The following FAM181A variants were observed in gnomAD, a reference collection of about 807,000 sequenced individuals.
The protein encoded by FAM181A is protein FAM181A.
Under a neutral mutation model 16.3 loss-of-function variants are expected in FAM181A, and 7 were observed. The observed-to-expected ratio is 0.43, with a 90% CI of 0.24 to 0.81. FAM181A has a LOEUF of 0.81. Ranked by LOEUF, FAM181A falls within the 30% of genes least tolerant of loss-of-function variation. The pLI is 0.24. For missense variants in FAM181A, 349 were observed against 377.5 expected, an observed-to-expected ratio of 0.92 and a Z score of 0.63; for synonymous variants, 183 against 164.9, an observed-to-expected ratio of 1.11 and a Z score of -0.84.
At chr14:93,924,955 C>T (rs1887845675), upstream of FAM181A, 1 of 375,308 alleles carries the variant, frequency 2.7e-6, no homozygotes, top group African/African-American at 2.1e-5. Context: ...TTGGCACATG[C>T]TGGGTGTCCA....
At position 93,929,047 on chromosome 14, in the gene FAM181A, C is replaced by A; in HGVS notation, c.762C>A (p.His254Gln). Residue 254 changes from histidine to glutamine, a missense_variant, in exon 2 of 2, where the codon CAC becomes CAA. By Grantham distance (24) the His-to-Gln change is conservative. Coordinates refer to ENST00000556222, the MANE Select transcript of FAM181A (RefSeq NM_001207073.2). ...CAGCCTTTCCCGGGGAGCTGGCGCACCTCTGCAAGGATGTGGACGGCCTGG... is the reference window on the plus strand; with the variant it reads ...CAGCCTTTCCCGGGGAGCTGGCGCAACTCTGCAAGGATGTGGACGGCCTGG... ...KSPAFPGELA[H>Q]LCKDVDGLGQ... 1 of 1,601,180 alleles carries A rather than the reference C, an allele frequency of 6.2e-7. No individual in the cohort carries two copies. Among genetic ancestry groups the A allele is most frequent in the Non-Finnish European group, 8.5e-7 (1 of 1,172,880 alleles).
chr14:93,922,596 A>T (rs550940670), upstream of FAM181A, among the ~76,000 whole-genome samples: 52 of 152,318 alleles, frequency 3.4e-4, no homozygotes, highest in African/African-American at 1.2e-3. Flanking sequence ...AGGCTGAGGC[A>T]GGAGAATCAC....
chr14:93,924,260 G>C (rs942361647), upstream of FAM181A, among the ~76,000 whole-genome samples: 1 of 152,204 alleles, frequency 6.6e-6, no homozygotes. Context: ...ACAATGCTAG[G>C]AGTTGGCGGA....
intron 1 of FAM181A, among the ~76,000 whole-genome samples, chr14:93,919,875 A>C (rs560220238): frequency 1.3e-5 from 2 of 152,312 alleles, no homozygotes; most frequent in East Asian, 3.9e-4. Flanking sequence ...TTAGAAAACA[A>C]GAAAGATCTC....
chr14:93,925,355 G>C (rs552387444), upstream of FAM181A: 2 of 1,612,730 alleles, frequency 1.2e-6, no homozygotes, highest in East Asian at 4.5e-5. Flanking sequence ...AGAAAAGGGC[G>C]AGCACAGCAA....
In FAM181A at chr14:93,919,817, G is replaced by A. The variant is rs143996801; in HGVS notation, c.-225+823G>A. Among the ~76,000 whole-genome samples, 218 of 152,096 alleles carry A rather than the reference G, an allele frequency of 1.4e-3. 1 individual carries two copies. The highest frequency in any genetic ancestry group is 4.9e-3 in the African/African-American group (204 of 41,492). ...CAACATATCAAAATTTGTGAGATGC[G>A]GCCAAAGCAGTGCTGAGAGGAAATT... On this transcript the variant is annotated intron_variant, in intron 1 of 2. Transcript: ENST00000267594.
chr14:93,925,741 C>A (rs1259896093), upstream of FAM181A, among the ~76,000 whole-genome samples: 1 of 151,910 alleles, frequency 6.6e-6, no homozygotes, highest in Admixed American at 6.6e-5. Context: ...TTCCCCGACC[C>A]CGCAGCAGGG....
chr14:93,925,354 C>T (rs778270343), upstream of FAM181A: 89 of 1,612,652 alleles, frequency 5.5e-5, no homozygotes, highest in East Asian at 1.7e-3. Context: ...GAGAAAAGGG[C>T]GAGCACAGCA....
upstream of FAM181A, chr14:93,927,251 T>G (rs1232651668): frequency 1.0e-6 from 1 of 998,876 alleles, no homozygotes; most frequent in African/African-American, 1.7e-5. Flanking sequence ...GCCGCCTGAT[T>G]GGGATGCTTT....
intron 1 of FAM181A, among the ~76,000 whole-genome samples, chr14:93,919,224 T>C (rs925476047): frequency 1.3e-5 from 2 of 152,174 alleles, no homozygotes; most frequent in Non-Finnish European, 2.9e-5. Context: ...TTTGTTGAGT[T>C]TTCATGGCTG....
upstream of FAM181A, chr14:93,925,009 C>T: frequency 2.0e-6 from 1 of 499,276 alleles, no homozygotes; most frequent in Non-Finnish European, 3.5e-6. Context: ...TTTCCTTTCT[C>T]TCTTCCCTCT....
upstream of FAM181A, chr14:93,927,128 G>T: frequency 3.4e-6 from 1 of 292,102 alleles, no homozygotes; most frequent in Non-Finnish European, 5.2e-6. Flanking sequence ...TGAGGAGAGT[G>T]GGGCTGAAGG....
upstream of FAM181A, chr14:93,925,439 C>A: frequency 7.0e-7 from 1 of 1,428,128 alleles, no homozygotes; most frequent in Non-Finnish European, 9.6e-7. Context: ...CAGCCTCACA[C>A]AGTAGGCAGC....
rs199883185 is a variant in FAM181A at position 93,929,065 on chromosome 14, C to T, written c.780C>T (p.Asp260=). 2.7e-5 allele frequency: 43 copies of T among 1,580,382 alleles called. No homozygotes were observed. The East Asian group carries it at 3.1e-4, about 12-fold the overall frequency. Residue 260 remains aspartate (D), a synonymous_variant, in exon 2 of 2, where the codon GAC becomes GAT. Coordinates refer to ENST00000556222, the MANE Select transcript of FAM181A (RefSeq NM_001207073.2). ...GELAHLCKDV[D]GLGQKVCRPV... Reference sequence around the variant, plus strand: ...TGGCGCACCTCTGCAAGGATGTGGACGGCCTGGGGCAGAAGGTGTGCAGGC... The same window carrying T: ...TGGCGCACCTCTGCAAGGATGTGGATGGCCTGGGGCAGAAGGTGTGCAGGC...
At chr14:93,926,579 C>A (rs1887914155), upstream of FAM181A, among the ~76,000 whole-genome samples, 1 of 152,202 alleles carries the variant, frequency 6.6e-6, no homozygotes, top group South Asian at 2.1e-4. This position sits in a 1 kb window ranked among gnomAD's most constrained non-coding sequence, Gnocchi z 5.2. Context: ...AACCTTTTGT[C>A]CGGCTGCGCT....
chr14:93,926,691 C>G (rs549629672), upstream of FAM181A, among the ~76,000 whole-genome samples: 1 of 152,258 alleles, frequency 6.6e-6, no homozygotes, highest in South Asian at 2.1e-4. This position sits in a 1 kb window ranked among gnomAD's most constrained non-coding sequence, Gnocchi z 5.2. Context: ...CCCAGCACCT[C>G]GTTAGAGAGT....
At chr14:93,927,215 G>T (rs1258791756), upstream of FAM181A, 2 of 910,300 alleles carry the variant, frequency 2.2e-6, no homozygotes. Context: ...AATTTGTGAC[G>T]GCAAAGAATG....
Position 93,928,336 on chromosome 14 carries a change from G to A in FAM181A, c.51G>A (p.Ala17=), listed in dbSNP as rs769831279. The A allele has an allele frequency of 2.2e-5, 35 of 1,613,836 alleles. No individual in the cohort carries two copies. The highest frequency in any genetic ancestry group is 1.5e-4 in the Admixed American group (9 of 60,030). The change falls in exon 2 of 2, where the codon GCG becomes GCA. Residue 17 remains alanine (A), a synonymous_variant. Coordinates refer to ENST00000556222, the MANE Select transcript of FAM181A (RefSeq NM_001207073.2). ...TGCTGCTGAACTTCGTGAACCTGGCGTCCAGCGACATCAAGGCAGCCCTGG... is the reference window on the plus strand; with the variant it reads ...TGCTGCTGAACTTCGTGAACCTGGCATCCAGCGACATCAAGGCAGCCCTGG... ...VKMLLNFVNL[A]SSDIKAALDK... is the part of the protein sequence containing the mutation.
chr14:93,927,233 G>A (rs1334807449), upstream of FAM181A: 5 of 973,682 alleles, frequency 5.1e-6, no homozygotes, highest in South Asian at 8.8e-5. Flanking sequence ...ATGTGGGAAC[G>A]GGGCGCCGCC....
Sources: gnomAD v4.1 joint callset for allele counts (sites outside exome capture counted in the v4.1 genomes callset) on GRCh38, gnomAD v4.1.1 for gene constraint, Gnocchi (gnomAD v3.1) non-coding constraint, MANE v1.5 for transcripts, NCBI Gene and HGNC (gene_info 2026-07-23, HGNC 2026-07-21) for gene names.